Variants in LPO observed in about 807,000 individuals in gnomAD.
LPO encodes the protein salivary peroxidase.
A neutral mutation model predicts 68.4 loss-of-function variants in LPO; 70 were observed. The observed-to-expected ratio is 1.02, with a 90% confidence interval of 0.84 to 1.25. The LOEUF is 1.25. LPO is among the 50% of genes most tolerant of loss of function. The pLI is 0.00. For synonymous variants in LPO, 360 were observed against 357.6 expected (o/e 1.01, Z -0.08); for missense variants, 873 against 908.4 (o/e 0.96, Z 0.50).
rs982397008 is a variant in LPO, at chr17:58,250,699, A to G, written c.780+78A>G. ...AGCAGACATTCCCAGCTCATCAGCT[A>G]GGATCTCTGGATAGATCTGGGATAC... On this transcript the variant is annotated intron_variant, in intron 7 of 12. Transcript: ENST00000262290. The G allele has an allele frequency of 1.1e-5, 16 of 1,423,070 alleles. No individual in the cohort carries two copies. The African/African-American group carries it at 1.3e-4, about 11-fold the overall frequency. 88.2% of individuals were successfully genotyped at this position (1,423,070 alleles called of 1,614,324 possible). A position where few individuals can be genotyped will look rare whatever the true frequency, so the allele number is the denominator to read the frequency against.
chr17:58,242,888 G>A, intron 1 of LPO, 90 bp from the exon 2 acceptor site: 2 of 1,016,308 alleles, frequency 2.0e-6, no homozygotes, highest in South Asian at 1.3e-5. Context: ...GGTGTCTGGT[G>A]CTCCTTTGGC....
chr17:58,241,637 G>A (rs966463544), intron 1 of LPO, among the ~76,000 whole-genome samples: 2 of 152,138 alleles, frequency 1.3e-5, no homozygotes, highest in African/African-American at 4.8e-5. Flanking sequence ...CAAGCTGTTT[G>A]AGAACTCATC....
At chr17:58,244,868 G>A (rs1969825101) in intron 3 of LPO, among the ~76,000 whole-genome samples, 1 of 152,264 alleles carries the variant, frequency 6.6e-6, no homozygotes, top group Non-Finnish European at 1.5e-5. Context: ...CAGGGCACCA[G>A]TAGAGTCAAC....
chr17:58,250,480 G>T lies in LPO; in HGVS notation c.639G>T (p.Arg213Ser). The T allele has an allele frequency of 6.2e-7, 1 of 1,614,156 alleles. No individual in the cohort carries two copies. Among genetic ancestry groups the T allele is most frequent in the Non-Finnish European group, 8.5e-7 (1 of 1,180,042 alleles). ...AGGAGGGTGTTCTGGACCAAAACAG[G>T]TCCCTGCTCTTCATGCAGTGGGGTC... ...LNEEGVLDQN[R>S]SLLFMQWGQI... is the part of the protein sequence containing the mutation. Residue 213 changes from arginine (R) to serine (S), a missense_variant, in exon 7 of 13, where the codon AGG becomes AGT. By Grantham distance (110) the Arg-to-Ser change is moderately radical. Transcript: ENST00000262290.
intron 9 of LPO, 51 bp downstream of exon 9, chr17:58,255,022 TG>T: frequency 1.9e-6 from 3 of 1,593,596 alleles, no homozygotes; most frequent in Non-Finnish European, 1.7e-6. Context: ...CTCCCACTCC[TG>T]GCTCTGCCCT....
At chr17:58,244,687 C>T (rs1969822042) in intron 3 of LPO, among the ~76,000 whole-genome samples, 1 of 152,258 alleles carries the variant, frequency 6.6e-6, no homozygotes, top group Non-Finnish European at 1.5e-5. Context: ...ATCAGTCAGA[C>T]ATGGCTGCAG....
At position 58,268,214 on chromosome 17, in the gene LPO, A is replaced by G. The variant is rs1372979409; in HGVS notation, c.*220A>G. The G allele has an allele frequency of 1.4e-5, 8 of 564,972 alleles. No homozygotes were observed. Among genetic ancestry groups the G allele is most frequent in the Non-Finnish European group, 1.9e-5 (6 of 316,146 alleles). The allele number at this position is 564,972 out of a possible 1,614,324, so 35.0% of individuals were successfully genotyped here. ...CCAGTGGCTTCTCCTTTCTGTCAAG[A>G]CTTAGCCCCGCTGAGATGCCCTTCT... is the stretch of plus-strand genomic sequence containing the variant. On this transcript the variant is annotated 3_prime_UTR_variant, in exon 13 of 13. Transcript: ENST00000262290.
At chr17:58,258,956 G>A (rs1404339765) in intron 9 of LPO, among the ~76,000 whole-genome samples, 4 of 151,540 alleles carry the variant, frequency 2.6e-5, no homozygotes, top group African/African-American at 2.4e-5. Context: ...AGTTCTTTAC[G>A]TATTCTAGAC....
chr17:58,258,453 G>A (rs909216806), intron 9 of LPO, among the ~76,000 whole-genome samples: 1 of 152,182 alleles, frequency 6.6e-6, no homozygotes, highest in African/African-American at 2.4e-5. Context: ...GTTAACTGTA[G>A]ATGTGTGGAT....
intron 10 of LPO, among the ~76,000 whole-genome samples, chr17:58,265,245 T>C (rs1177559763): frequency 1.3e-5 from 2 of 152,176 alleles, no homozygotes; most frequent in Non-Finnish European, 2.9e-5. Context: ...ATATAAGCTA[T>C]TCTTTCTTTC....
At chr17:58,257,056 C>T (rs1375084749) in intron 9 of LPO, among the ~76,000 whole-genome samples, 1 of 134,142 alleles carries the variant, frequency 7.5e-6, no homozygotes, top group Non-Finnish European at 1.5e-5. Flanking sequence ...TCCTCAGCCT[C>T]CTGAGTAGCT....
chr17:58,245,907 GC>G (rs1265806541), intron 3 of LPO, among the ~76,000 whole-genome samples: 7 of 152,302 alleles, frequency 4.6e-5, no homozygotes, highest in African/African-American at 1.7e-4. Context: ...GCCAACCAGC[GC>G]CCTGCTTTGA....
rs766990325 is a variant in LPO, at chr17:58,260,312, G to T, written c.1267-4410G>T. Among the ~76,000 whole-genome samples the T allele has an allele frequency of 5.9e-4, 89 of 152,098 alleles. 1 individual carries two copies. The highest frequency in any genetic ancestry group is 5.4e-4 in the Non-Finnish European group (37 of 68,024). On this transcript the variant is annotated intron_variant, in intron 9 of 12. Coordinates refer to ENST00000262290, the MANE Select transcript of LPO (RefSeq NM_006151.3). ...TTCTAAACAGGTAATCATGTAATAT[G>T]CCAATAAAGACAGTTGTGTTTCTTC...
chr17:58,239,419 G>C (rs2143871515), intron 1 of LPO, among the ~76,000 whole-genome samples: 1 of 152,026 alleles, frequency 6.6e-6, no homozygotes, highest in African/African-American at 2.4e-5. Flanking sequence ...TTATGCAATT[G>C]TGTGCCTCAA....
At chr17:58,251,764 GT>G (rs998020139) in intron 7 of LPO, 3 of 475,120 alleles carry the variant, frequency 6.3e-6, no homozygotes, top group Admixed American at 2.2e-5. Context: ...ACCTTACAGG[GT>G]TTTTTTGAGG....
intron 11 of LPO, among the ~76,000 whole-genome samples, chr17:58,266,957 T>C (rs1414356429): frequency 6.6e-6 from 1 of 152,230 alleles, no homozygotes; most frequent in African/African-American, 2.4e-5. Flanking sequence ...TGTTGGACCT[T>C]TCTTTTGTCC....
chr17:58,263,544 G>C (rs1473940846), intron 9 of LPO, among the ~76,000 whole-genome samples: 1 of 152,164 alleles, frequency 6.6e-6, no homozygotes, highest in African/African-American at 2.4e-5. Flanking sequence ...TTCAAGACCA[G>C]CTTGGCTAAC....
At chr17:58,244,261 A>ATTCCTAAAG in intron 3 of LPO, 180 bp downstream of exon 3, 1 of 611,040 alleles carries the variant, frequency 1.6e-6, no homozygotes, top group African/African-American at 1.8e-5. Context: ...AGTAGGAGCA[A>ATTCCTAAAG]TAGCCCACAA....
chr17:58,253,385 G>A (rs1368991437), intron 8 of LPO, among the ~76,000 whole-genome samples: 1 of 152,164 alleles, frequency 6.6e-6, no homozygotes, highest in Admixed American at 6.6e-5. Context: ...TGTTGTTTAG[G>A]TAATGAACAT....
Sources: allele counts gnomAD v4.1 joint callset (sites outside exome capture counted in the v4.1 genomes callset), GRCh38; gene constraint gnomAD v4.1.1; transcripts MANE v1.5; gene names NCBI Gene and HGNC (gene_info 2026-07-23, HGNC 2026-07-21).